The following GLIS3 variants were observed in gnomAD, a reference collection of about 807,000 sequenced individuals.
GLIS3 encodes the protein GLIS family zinc finger 3, also known as zinc finger protein GLIS3.
In GLIS3, 53 loss-of-function variants were observed where a neutral mutation model predicts 78.6. The ratio of observed to expected loss-of-function variants is 0.67; its 90% CI spans 0.54 to 0.85. The LOEUF is 0.85. GLIS3 is among the 40% of genes least tolerant of loss of function. GLIS3 has a pLI of 0.00. For missense variants in GLIS3, 1,703 were observed against 1,231.1 expected, an observed-to-expected ratio of 1.38 and a Z score of -5.74; for synonymous variants, 684 against 509.9, an observed-to-expected ratio of 1.34 and a Z score of -4.60.
intron 6 of GLIS3, among the ~76,000 whole-genome samples, chr9:3,903,339 T>C (rs1392806381): frequency 2.0e-5 from 3 of 152,268 alleles, no homozygotes; most frequent in African/African-American, 7.2e-5. Flanking sequence ...TACCTGCTGT[T>C]AGCAGAGAGC....
chr9:4,311,976 C>T (rs927390943), intron 2 of GLIS3, among the ~76,000 whole-genome samples: 67 of 152,136 alleles, frequency 4.4e-4, no homozygotes, highest in African/African-American at 1.6e-3. Context: ...ACAGTGGGGT[C>T]CACCCAATGG....
At chr9:4,187,120 T>C (rs544450893) in intron 2 of GLIS3, among the ~76,000 whole-genome samples, 2 of 152,346 alleles carry the variant, frequency 1.3e-5, no homozygotes, top group African/African-American at 4.8e-5. Flanking sequence ...AGGGTTTTTA[T>C]GCTTTTAGGT....
At chr9:4,028,432 T>C (rs1377682777) in intron 4 of GLIS3, among the ~76,000 whole-genome samples, 3 of 152,180 alleles carry the variant, frequency 2.0e-5, no homozygotes, top group Non-Finnish European at 2.9e-5. Flanking sequence ...TATATTAAAA[T>C]CAAGAGCATA....
At chr9:4,429,601 T>C in the GLIS3 span, among the ~76,000 whole-genome samples, 570 of 152,282 alleles carry the variant, frequency 3.7e-3, 4 homozygotes, top group Non-Finnish European at 6.4e-3. Flanking sequence ...CTTGACCCCA[T>C]GACAATTTTA....
chr9:4,450,623 AG>A, the GLIS3 span, among the ~76,000 whole-genome samples: 1 of 152,246 alleles, frequency 6.6e-6, no homozygotes, highest in African/African-American at 2.4e-5. Flanking sequence ...CCACAAAGGG[AG>A]GCCCATCAGA....
At chr9:4,241,543 C>G (rs1295232061) in intron 2 of GLIS3, among the ~76,000 whole-genome samples, 4 of 151,970 alleles carry the variant, frequency 2.6e-5, no homozygotes, top group African/African-American at 9.7e-5. Flanking sequence ...TATAAAGATT[C>G]GATCTTTATA....
chr9:4,415,352 C>T, the GLIS3 span, among the ~76,000 whole-genome samples: 3 of 152,160 alleles, frequency 2.0e-5, no homozygotes, highest in African/African-American at 7.2e-5. Context: ...CATTATTTTT[C>T]CAAATGCTCA....
intron 4 of GLIS3, among the ~76,000 whole-genome samples, chr9:4,022,363 T>C (rs559951657): frequency 1.5e-4 from 23 of 152,330 alleles, no homozygotes; most frequent in African/African-American, 5.5e-4. Context: ...GCATATTTTA[T>C]AAAAGCACAT....
intron 4 of GLIS3, among the ~76,000 whole-genome samples, chr9:3,957,656 G>A (rs1021357030): frequency 1.3e-5 from 2 of 152,120 alleles, no homozygotes; most frequent in African/African-American, 4.8e-5. Context: ...CATACATATC[G>A]CATGACTCTG....
At chr9:4,120,429 T>C (rs528544727) in intron 3 of GLIS3, among the ~76,000 whole-genome samples, 1 of 152,340 alleles carries the variant, frequency 6.6e-6, no homozygotes. Context: ...ATTCGGGTTG[T>C]AGTCTTTTTG....
intron 1 of GLIS3, among the ~76,000 whole-genome samples, chr9:4,289,140 G>A (rs1208767219): frequency 6.6e-6 from 1 of 152,102 alleles, no homozygotes; most frequent in Non-Finnish European, 1.5e-5. Flanking sequence ...AAAAAGTCAA[G>A]ATACCCAAGT....
chr9:3,829,531 G>C, intron 9 of GLIS3, 39 bp from the exon 10 acceptor site: 1 of 1,608,786 alleles, frequency 6.2e-7, no homozygotes, highest in Non-Finnish European at 8.5e-7. Context: ...AGTTCCTTTG[G>C]GCACAAGTTC....
chr9:3,889,214 CTAAG>C (rs1215928831), intron 7 of GLIS3, among the ~76,000 whole-genome samples: 7 of 152,280 alleles, frequency 4.6e-5, no homozygotes, highest in South Asian at 2.1e-4. Context: ...CAGTTTCTTC[CTAAG>C]TGAGAGCCAC....
intron 8 of GLIS3, among the ~76,000 whole-genome samples, chr9:3,868,039 T>C (rs1820717408): frequency 6.6e-6 from 1 of 152,186 alleles, no homozygotes; most frequent in Non-Finnish European, 1.5e-5. Context: ...TAAAAATGGT[T>C]ATTTGAGGCT....
chr9:4,140,423 T>G lies in GLIS3; in HGVS notation c.389-14482A>C, dbSNP rs887127030. On this transcript the variant is annotated intron_variant, in intron 2 of 10. Coordinates refer to ENST00000381971, the MANE Select transcript of GLIS3 (RefSeq NM_001042413.2). Reference sequence around the variant, plus strand: ...TTACTGTCCAAAAAGACACATTCTCTATCATAAATTGTTTCTGCTCCATAT... The same window carrying G: ...TTACTGTCCAAAAAGACACATTCTCGATCATAAATTGTTTCTGCTCCATAT... Among the ~76,000 whole-genome samples the G allele has an allele frequency of 2.0e-5, 3 of 152,208 alleles. No homozygotes were observed. In the East Asian group the frequency reaches 5.8e-4, roughly 29 times the overall value.
intron 4 of GLIS3, among the ~76,000 whole-genome samples, chr9:3,993,987 T>C (rs1389822925): frequency 6.6e-6 from 1 of 152,218 alleles, no homozygotes; most frequent in Non-Finnish European, 1.5e-5. Context: ...CTACTACGCA[T>C]CAGAGTCATC....
At chr9:4,155,261 A>T (rs1182050844) in intron 2 of GLIS3, among the ~76,000 whole-genome samples, 1 of 152,236 alleles carries the variant, frequency 6.6e-6, no homozygotes, top group Non-Finnish European at 1.5e-5. Flanking sequence ...GATCACTGCC[A>T]AAAGATTTTT....
the GLIS3 span, among the ~76,000 whole-genome samples, chr9:4,401,300 C>G: frequency 6.6e-6 from 1 of 152,174 alleles, no homozygotes; most frequent in Non-Finnish European, 1.5e-5. Flanking sequence ...ACTCTTGTTG[C>G]CCAGGCTGGA....
At chr9:4,051,147 C>A (rs1825721457) in intron 4 of GLIS3, among the ~76,000 whole-genome samples, 1 of 152,192 alleles carries the variant, frequency 6.6e-6, no homozygotes, top group Admixed American at 6.5e-5. Flanking sequence ...AAAATGGAAG[C>A]AGACAATGAG....
Sources: allele counts gnomAD v4.1 joint callset (sites outside exome capture counted in the v4.1 genomes callset), GRCh38; gene constraint gnomAD v4.1.1; transcripts MANE v1.5; gene names NCBI Gene and HGNC (gene_info 2026-07-23, HGNC 2026-07-21).